Variants in NEBL observed in about 807,000 individuals in gnomAD.
NEBL encodes the protein LIM and SH3 protein 2.
A neutral mutation model predicts 140.2 loss-of-function variants in NEBL; 122 were observed. The observed-to-expected ratio is 0.87, with a 90% CI of 0.75 to 1.01. The LOEUF (loss-of-function observed/expected upper bound fraction) is 1.01, where lower values mean the gene tolerates loss of function less well. Ranked by LOEUF, NEBL falls within the 50% of genes least tolerant of loss-of-function variation. The pLI, the probability that NEBL is intolerant of heterozygous loss-of-function variation, is 0.00. For synonymous variants in NEBL, 436 were observed against 398.9 expected, an observed-to-expected ratio of 1.09 and a Z score of -1.11; for missense variants, 1,365 against 1,231.3, an observed-to-expected ratio of 1.11 and a Z score of -1.62.
chr10:21,147,829 G>C (rs1452413925), intron 2 of NEBL, among the ~76,000 whole-genome samples: 2 of 152,162 alleles, frequency 1.3e-5, no homozygotes, highest in Non-Finnish European at 2.9e-5. Flanking sequence ...CTGCAGGCAG[G>C]AATCTTTGTA....
At chr10:20,944,787 T>G (rs1835075214) in intron 4 of NEBL, among the ~76,000 whole-genome samples, 1 of 152,218 alleles carries the variant, frequency 6.6e-6, no homozygotes, top group Non-Finnish European at 1.5e-5. Context: ...TAATTGGCAT[T>G]GCTTCGACAT....
In NEBL at chr10:20,903,620, T is replaced by C. The variant is rs530003172; in HGVS notation, c.357+58052A>G. Among the ~76,000 whole-genome samples the C allele has an allele frequency of 1.4e-4, 22 of 152,268 alleles. No homozygotes were observed. In the South Asian group the frequency reaches 4.4e-3, roughly 30 times the overall value. On this transcript the variant is annotated intron_variant, in intron 4 of 6. Coordinates refer to the NEBL transcript ENST00000417816. ...GGCAAGGATACGGAACCAGACTCACTGGACATCAACCAATAACTGGATAAA... is the reference window on the plus strand; with the variant it reads ...GGCAAGGATACGGAACCAGACTCACCGGACATCAACCAATAACTGGATAAA...
chr10:21,118,711 A>T (rs1589252581), intron 2 of NEBL, among the ~76,000 whole-genome samples: 1 of 152,200 alleles, frequency 6.6e-6, no homozygotes, highest in East Asian at 1.9e-4. Flanking sequence ...AGTGAAACAG[A>T]GTCAGTTTTC....
intron 26 of NEBL, among the ~76,000 whole-genome samples, chr10:20,807,916 TA>T (rs1837752317): frequency 6.6e-6 from 1 of 150,418 alleles, no homozygotes; most frequent in Non-Finnish European, 1.5e-5. Context: ...AAACAGAAGA[TA>T]CAGGAAAAGA....
intron 3 of NEBL, among the ~76,000 whole-genome samples, chr10:21,233,581 C>T (rs1032640197): frequency 4.2e-5 from 6 of 144,292 alleles, no homozygotes; most frequent in African/African-American, 1.5e-4. Context: ...TATATATACA[C>T]ATGTACATAT....
intron 2 of NEBL, among the ~76,000 whole-genome samples, chr10:21,119,667 T>G (rs542650198): frequency 7.2e-5 from 11 of 152,164 alleles, no homozygotes; most frequent in African/African-American, 2.6e-4. Context: ...TGCTTCAACA[T>G]GAATCTCCCA....
chr10:21,052,985 A>G (rs142802364), intron 2 of NEBL, among the ~76,000 whole-genome samples: 130 of 152,324 alleles, frequency 8.5e-4, no homozygotes, highest in African/African-American at 3.1e-3. Flanking sequence ...TATATTGTCT[A>G]TTTCAAAACA....
chr10:21,215,956 C>T (rs1047876407), intron 3 of NEBL, among the ~76,000 whole-genome samples: 8 of 152,190 alleles, frequency 5.3e-5, no homozygotes, highest in African/African-American at 1.9e-4. Context: ...TAGGCGTGAG[C>T]CACCGCACCT....
chr10:21,172,351 C>T (rs1055487324), intron 2 of NEBL: 4 of 1,537,444 alleles, frequency 2.6e-6, no homozygotes, highest in African/African-American at 2.7e-5. Context: ...TGAGGCTGTG[C>T]CACACCTGGA....
chr10:20,840,195 A>C (rs749322313), intron 13 of NEBL, among the ~76,000 whole-genome samples: 3 of 152,180 alleles, frequency 2.0e-5, no homozygotes, highest in Admixed American at 2.0e-4. Flanking sequence ...GTCTCTTAAA[A>C]GCACAGTGAC....
intron 2 of NEBL, among the ~76,000 whole-genome samples, chr10:21,119,572 AC>A (rs1449311453): frequency 6.6e-6 from 1 of 151,040 alleles, no homozygotes; most frequent in Non-Finnish European, 1.5e-5. Flanking sequence ...AATGAATATT[AC>A]CATACATGTT....
At chr10:21,132,216 C>A (rs1030571132) in intron 2 of NEBL, among the ~76,000 whole-genome samples, 9 of 152,158 alleles carry the variant, frequency 5.9e-5, no homozygotes, top group Non-Finnish European at 1.2e-4. Flanking sequence ...CTGCACATTT[C>A]ATATAAATGG....
intron 14 of NEBL, among the ~76,000 whole-genome samples, chr10:20,833,038 TA>T (rs1314916184): frequency 6.6e-6 from 1 of 152,192 alleles, no homozygotes; most frequent in African/African-American, 2.4e-5. Context: ...GGTCTGATGG[TA>T]AAAGGATGTA....
At chr10:20,906,500 A>G (rs984418457) in intron 4 of NEBL, among the ~76,000 whole-genome samples, 17 of 152,220 alleles carry the variant, frequency 1.1e-4, no homozygotes, top group Non-Finnish European at 2.1e-4. Context: ...TTATAATTAA[A>G]GTAAATATAT....
rs1430124782 is a variant in NEBL, at chr10:20,880,892, G to T, written c.382C>A (p.Gln128Lys). The part of the protein sequence containing the change: ...TQLQSEVAYK[Q>K]KHDAAKGFSD... ...AATCCTTTGGCAGCATCATGTTTCTGCTTGTAGGCCACCTGAAAAACACAA... is the reference window on the plus strand; with the variant it reads ...AATCCTTTGGCAGCATCATGTTTCTTCTTGTAGGCCACCTGAAAAACACAA... The change falls in exon 5 of 28, where the codon CAG (glutamine) becomes AAG (lysine). Residue 128 changes from glutamine to lysine, a missense_variant. This residue lies in a region of NEBL where 1,323 missense variants were observed against 1,154.8 expected (regional missense o/e 1.15). Transcript: ENST00000377122. 3 of 1,613,786 alleles carry T rather than the reference G, an allele frequency of 1.9e-6. No homozygotes were observed. In the African/African-American group the frequency reaches 4.0e-5, roughly 22 times the overall value.
At chr10:20,836,461 G>A (rs1388218989) in intron 13 of NEBL, among the ~76,000 whole-genome samples, 1 of 152,134 alleles carries the variant, frequency 6.6e-6, no homozygotes, top group Non-Finnish European at 1.5e-5. Flanking sequence ...GACCTCAGGT[G>A]ATCCACCCAC....
intron 1 of NEBL, among the ~76,000 whole-genome samples, chr10:21,269,774 T>C (rs1428659102): frequency 1.3e-5 from 2 of 152,198 alleles, no homozygotes; most frequent in East Asian, 1.9e-4. Context: ...AAATGCCTAA[T>C]AGAGGAAGAA....
intron 2 of NEBL, among the ~76,000 whole-genome samples, chr10:21,088,536 C>T (rs1007668190): frequency 1.1e-4 from 17 of 152,132 alleles, no homozygotes; most frequent in African/African-American, 4.8e-5. Context: ...TCACTCTGAC[C>T]TTCTTTCAAT....
chr10:21,120,424 A>ATATATATATATATATAT (rs58547343), intron 2 of NEBL, among the ~76,000 whole-genome samples: 16 of 133,466 alleles, frequency 1.2e-4, no homozygotes, highest in Non-Finnish European at 2.0e-4. Flanking sequence ...ATATATATAT[A>ATATATATATATATATAT]AATTTGATCA....
Sources: allele counts gnomAD v4.1 joint callset (sites outside exome capture counted in the v4.1 genomes callset), GRCh38; gene constraint gnomAD v4.1.1; regional missense constraint gnomAD v4.1.1; transcripts MANE v1.5; gene names NCBI Gene and HGNC (gene_info 2026-07-23, HGNC 2026-07-21).